Variants in ANKS1B observed in about 807,000 individuals in gnomAD.
ANKS1B encodes ankyrin repeat and sterile alpha motif domain-containing protein 1B.
ANKS1B carries 36 observed loss-of-function variants against 148.3 expected under a neutral mutation model. The ratio of observed to expected loss-of-function variants is 0.24; its 90% CI spans 0.19 to 0.32. The LOEUF is 0.32. Among genes scored for constraint, ANKS1B ranks in the 10% least tolerant of loss-of-function variants. ANKS1B has a pLI of 1.00. For synonymous variants in ANKS1B, 542 were observed against 560.8 expected, an observed-to-expected ratio of 0.97 and a Z score of 0.47; for missense variants, 1,157 against 1,542.6, an observed-to-expected ratio of 0.75 and a Z score of 4.19.
At chr12:99,438,972 A>T (rs1400099940) in intron 11 of ANKS1B, among the ~76,000 whole-genome samples, 1 of 151,894 alleles carries the variant, frequency 6.6e-6, no homozygotes, top group Non-Finnish European at 1.5e-5. Flanking sequence ...GTTATTTTTT[A>T]AAAAAGCAAA....
chr12:98,878,778 C>A (rs1200307630), intron 17 of ANKS1B, among the ~76,000 whole-genome samples: 2 of 152,144 alleles, frequency 1.3e-5, no homozygotes, highest in Non-Finnish European at 2.9e-5. Flanking sequence ...TAATTTTATT[C>A]TTCAACAAAA....
In ANKS1B at chr12:99,560,119, T is replaced by C. The variant is rs567265500; in HGVS notation, c.1273-55478A>G. ...TACACCTGGGGTACTAATTTGGTTA[T>C]TTCTAGGCTAGAAAGTGGTTTCATG... On this transcript the variant is annotated intron_variant, in intron 9 of 26. Transcript: ENST00000683438. Among the ~76,000 whole-genome samples the C allele has an allele frequency of 2.0e-5, 3 of 152,308 alleles. No individual in the cohort carries two copies. The East Asian group carries it at 5.8e-4, about 29-fold the overall frequency.
chr12:98,794,833 C>T, intron 22 of ANKS1B: 8 of 1,599,062 alleles, frequency 5.0e-6, no homozygotes, highest in Non-Finnish European at 6.8e-6. Flanking sequence ...TAAAGAGCTA[C>T]AGAAAGTTCA....
At position 99,816,578 on chromosome 12, in the gene ANKS1B, C is replaced by T. The variant is rs142041618; in HGVS notation, c.216-4267G>A. Among the ~76,000 whole-genome samples, 156 of 151,472 alleles carry T rather than the reference C, an allele frequency of 1.0e-3. 1 individual carries two copies. The highest frequency in any genetic ancestry group is 3.6e-3 in the African/African-American group (151 of 41,422). ...TTTATTTTCAAATTTTTGTTTAAAT[C>T]GAGCTTTACATCTTATTCAAAGATA... On this transcript the variant is annotated intron_variant, in intron 2 of 26. Transcript: ENST00000683438.
chr12:99,243,507 C>A (rs891701247), intron 14 of ANKS1B, among the ~76,000 whole-genome samples: 2 of 152,144 alleles, frequency 1.3e-5, no homozygotes, highest in Admixed American at 1.3e-4. Context: ...TACCATTTGA[C>A]CCAGCCATCC....
At chr12:98,868,412 T>C (rs907306281) in intron 17 of ANKS1B, among the ~76,000 whole-genome samples, 2 of 152,192 alleles carry the variant, frequency 1.3e-5, no homozygotes, top group African/African-American at 4.8e-5. Context: ...GGTTTCAAAA[T>C]CTTTTGCAGG....
At chr12:99,965,616 C>T (rs1452493205) in intron 1 of ANKS1B, among the ~76,000 whole-genome samples, 3 of 152,186 alleles carry the variant, frequency 2.0e-5, no homozygotes, top group African/African-American at 7.2e-5. Context: ...CCCTCTGTGG[C>T]ATTCCCACCA....
intron 1 of ANKS1B, among the ~76,000 whole-genome samples, chr12:99,825,709 A>G (rs1386096133): frequency 6.6e-6 from 1 of 152,210 alleles, no homozygotes; most frequent in African/African-American, 2.4e-5. Context: ...AGCAACTAAC[A>G]TTCAGCTACT....
intron 1 of ANKS1B, among the ~76,000 whole-genome samples, chr12:99,947,770 C>A (rs1401041754): frequency 6.6e-6 from 1 of 152,128 alleles, no homozygotes; most frequent in African/African-American, 2.4e-5. Flanking sequence ...GACCTCCGGG[C>A]ATATTCAGGT....
At chr12:99,701,621 C>G (rs1030586361) in intron 8 of ANKS1B, among the ~76,000 whole-genome samples, 3 of 152,050 alleles carry the variant, frequency 2.0e-5, no homozygotes, top group Non-Finnish European at 4.4e-5. Context: ...CTATTAAATA[C>G]TAGATCTTAT....
In ANKS1B at chr12:99,812,294, A is replaced by G; in HGVS notation, c.233T>C (p.Leu78Pro). 6.2e-7 allele frequency: 1 copy of G among 1,611,230 alleles called. No homozygotes were observed. Among genetic ancestry groups the G allele is most frequent in the Non-Finnish European group, 8.5e-7 (1 of 1,178,190 alleles). ...LNGHKDIVLK[L>P]LQYEASTNVA... ...ATTTGTTGATGCCTCATACTGAAGTAGTTTGAGAACTATGTCCCTAAAAAG... is the reference window on the plus strand; with the variant it reads ...ATTTGTTGATGCCTCATACTGAAGTGGTTTGAGAACTATGTCCCTAAAAAG... Residue 78 changes from leucine to proline, a missense_variant, in exon 3 of 27, where the codon CTA (leucine) becomes CCA (proline). By Grantham distance (98) the Leu-to-Pro change is moderately conservative (BLOSUM62 -3). Transcript: ENST00000683438.
chr12:99,398,092 C>T (rs142212758), intron 12 of ANKS1B, among the ~76,000 whole-genome samples: 4 of 152,200 alleles, frequency 2.6e-5, no homozygotes, highest in African/African-American at 7.2e-5. Context: ...GGGTTTTATT[C>T]TAAGTGCGAT....
At chr12:98,894,604 G>T in intron 17 of ANKS1B, 3 of 985,284 alleles carry the variant, frequency 3.0e-6, no homozygotes, top group Non-Finnish European at 3.6e-6. Flanking sequence ...GCCGCGGAGC[G>T]AGGGGGCCGC....
At chr12:99,509,909 G>C (rs1311919583) in intron 9 of ANKS1B, among the ~76,000 whole-genome samples, 1 of 151,952 alleles carries the variant, frequency 6.6e-6, no homozygotes, top group Non-Finnish European at 1.5e-5. Flanking sequence ...ACTTTAAGTT[G>C]AAGCCAATGC....
intron 15 of ANKS1B, among the ~76,000 whole-genome samples, chr12:99,112,751 A>G (rs1349799275): frequency 6.6e-6 from 1 of 152,218 alleles, no homozygotes; most frequent in African/African-American, 2.4e-5. Context: ...TAAAGTGGAA[A>G]TAGAGGTCAT....
intron 8 of ANKS1B, among the ~76,000 whole-genome samples, chr12:99,672,477 G>A (rs2153471197): frequency 6.6e-6 from 1 of 152,160 alleles, no homozygotes; most frequent in South Asian, 2.1e-4. Context: ...ACATCACCAG[G>A]GAATGCCATC....
At chr12:99,294,308 T>C (rs1159484951) in intron 12 of ANKS1B, among the ~76,000 whole-genome samples, 1 of 152,114 alleles carries the variant, frequency 6.6e-6, no homozygotes, top group African/African-American at 2.4e-5. Context: ...ATAAAGAAAA[T>C]GTGGTATATA....
At chr12:99,088,515 T>C (rs1599731655) in intron 15 of ANKS1B, among the ~76,000 whole-genome samples, 1 of 152,202 alleles carries the variant, frequency 6.6e-6, no homozygotes, top group Non-Finnish European at 1.5e-5. Flanking sequence ...AACCTAAAAT[T>C]AGCTTTAAGA....
chr12:98,929,544 T>A (rs1382248246), intron 17 of ANKS1B, among the ~76,000 whole-genome samples: 1 of 152,018 alleles, frequency 6.6e-6, no homozygotes, highest in African/African-American at 2.4e-5. Flanking sequence ...AAAGCTACAG[T>A]TATCAAGACA....
Sources: gnomAD v4.1 joint callset for allele counts (sites outside exome capture counted in the v4.1 genomes callset) on GRCh38, gnomAD v4.1.1 for gene constraint, MANE v1.5 for transcripts, NCBI Gene and HGNC (gene_info 2026-07-23, HGNC 2026-07-21) for gene names.